Variants in GPC5 observed in about 807,000 individuals in gnomAD.
The protein encoded by GPC5 is glypican-5.
In GPC5, 47 loss-of-function variants were observed where a neutral mutation model predicts 53.9. The observed-to-expected ratio is 0.87, with a 90% confidence interval of 0.69 to 1.11. GPC5 has a LOEUF of 1.11. Ranked by LOEUF, GPC5 falls within the 50% of genes most tolerant of loss-of-function variation. The probability of loss-of-function intolerance (pLI) is 0.00; values close to 1 mark genes in which losing one functional copy is unlikely to be tolerated. For synonymous variants in GPC5, 286 were observed against 263.3 expected (o/e 1.09, Z -0.84); for missense variants, 748 against 713.1 (o/e 1.05, Z -0.56).
At chr13:92,596,803 GATAAA>G (rs971359945) in intron 7 of GPC5, among the ~76,000 whole-genome samples, 2 of 152,034 alleles carry the variant, frequency 1.3e-5, no homozygotes, top group Non-Finnish European at 2.9e-5. Flanking sequence ...TCATAATATT[GATAAA>G]ATAATTTAAT....
intron 6 of GPC5, among the ~76,000 whole-genome samples, chr13:92,135,356 T>A (rs377587457): frequency 6.6e-6 from 1 of 152,220 alleles, no homozygotes; most frequent in Non-Finnish European, 1.5e-5. Context: ...TGAGTCCTAC[T>A]TGAGGTTATG....
chr13:92,227,133 G>T (rs1306935283), intron 7 of GPC5, among the ~76,000 whole-genome samples: 2 of 152,162 alleles, frequency 1.3e-5, no homozygotes, highest in Admixed American at 1.3e-4. Context: ...TTGTGTCTGT[G>T]TGAAAACATT....
At chr13:91,911,066 A>C (rs1459852450) in intron 6 of GPC5, among the ~76,000 whole-genome samples, 1 of 152,172 alleles carries the variant, frequency 6.6e-6, no homozygotes, top group Non-Finnish European at 1.5e-5. Context: ...CAGAAGGAAA[A>C]GTAGGCGCAA....
chr13:91,889,000 A>C (rs1236796244), intron 5 of GPC5, among the ~76,000 whole-genome samples: 1 of 152,200 alleles, frequency 6.6e-6, no homozygotes, highest in East Asian at 1.9e-4. Context: ...GGAGTTATGA[A>C]TTGCTAGACT....
intron 2 of GPC5, among the ~76,000 whole-genome samples, chr13:91,561,443 T>G (rs2031256284): frequency 6.6e-6 from 1 of 152,170 alleles, no homozygotes. Flanking sequence ...CACACCTCAT[T>G]TAATTAACCT....
intron 7 of GPC5, among the ~76,000 whole-genome samples, chr13:92,546,590 G>T (rs1288194768): frequency 6.6e-6 from 1 of 152,142 alleles, no homozygotes; most frequent in African/African-American, 2.4e-5. Context: ...TGGGCATACT[G>T]TCCAAGGTAA....
chr13:92,736,520 T>C (rs1321214231), intron 7 of GPC5, among the ~76,000 whole-genome samples: 5 of 151,876 alleles, frequency 3.3e-5, no homozygotes, highest in Non-Finnish European at 7.4e-5. Context: ...TCCTCCTGCC[T>C]GACTGGCTCC....
intron 2 of GPC5, among the ~76,000 whole-genome samples, chr13:91,648,812 A>G (rs2139540136): frequency 6.6e-6 from 1 of 152,330 alleles, no homozygotes; most frequent in Admixed American, 6.5e-5. Context: ...CTGTGGAGAC[A>G]GAGCAAAAGG....
At chr13:92,187,072 A>G (rs567625161) in intron 7 of GPC5, among the ~76,000 whole-genome samples, 1 of 151,822 alleles carries the variant, frequency 6.6e-6, no homozygotes, top group African/African-American at 2.4e-5. Context: ...AGATTGCGCC[A>G]TTGCACTTCA....
chr13:91,835,756 G>A (rs567241252), intron 5 of GPC5, among the ~76,000 whole-genome samples: 2 of 152,082 alleles, frequency 1.3e-5, no homozygotes, highest in South Asian at 4.2e-4. Context: ...TGAGGGGAGG[G>A]ATAGAATTAG....
At chr13:91,409,660 T>C (rs1877580852) in intron 1 of GPC5, among the ~76,000 whole-genome samples, 1 of 151,744 alleles carries the variant, frequency 6.6e-6, no homozygotes, top group South Asian at 2.1e-4. Flanking sequence ...TTTTCTTTTC[T>C]TTTTTTTTGT....
intron 6 of GPC5, among the ~76,000 whole-genome samples, chr13:92,142,731 G>A (rs1251673559): frequency 6.6e-6 from 1 of 152,118 alleles, no homozygotes; most frequent in African/African-American, 2.4e-5. Context: ...TGGTGTTAAT[G>A]AGAGTCCATC....
intron 7 of GPC5, among the ~76,000 whole-genome samples, chr13:92,352,078 C>G (rs1355860164): frequency 6.6e-6 from 1 of 152,094 alleles, no homozygotes; most frequent in Non-Finnish European, 1.5e-5. Context: ...TTTGGTTATT[C>G]AGTGTGGCAT....
rs570691550 is a variant in GPC5, at chr13:92,719,395, G to A, written c.1562-146887G>A. ...TAAAGTAATATTTCCCATTATGGGC[G>A]TTTTATATTTTTCTCATTGTGATTT... is the stretch of plus-strand genomic sequence containing the variant. On this transcript the variant is annotated intron_variant, in intron 7 of 7. Transcript: ENST00000377067. 6.3e-4 allele frequency among the ~76,000 whole-genome samples: 96 copies of A among 152,094 alleles called. 1 individual carries two copies. The highest frequency in any genetic ancestry group is 3.7e-3 in the Admixed American group (57 of 15,254).
intron 2 of GPC5, among the ~76,000 whole-genome samples, chr13:91,612,323 T>A (rs1035529598): frequency 2.6e-5 from 4 of 152,300 alleles, no homozygotes; most frequent in East Asian, 3.9e-4. Context: ...AAACCTGCCA[T>A]CATCAGTGGT....
At chr13:91,849,437 A>C (rs2138887706) in intron 5 of GPC5, among the ~76,000 whole-genome samples, 1 of 152,316 alleles carries the variant, frequency 6.6e-6, no homozygotes, top group African/African-American at 2.4e-5. Context: ...ATGAACATTT[A>C]AAAATATATT....
At chr13:92,541,319 T>G (rs978248040) in intron 7 of GPC5, among the ~76,000 whole-genome samples, 1 of 151,812 alleles carries the variant, frequency 6.6e-6, no homozygotes, top group Non-Finnish European at 1.5e-5. Context: ...TTTCCAGTAT[T>G]TTAAAAATAT....
intron 6 of GPC5, among the ~76,000 whole-genome samples, chr13:92,064,356 T>A (rs1186057731): frequency 6.6e-6 from 1 of 152,168 alleles, no homozygotes; most frequent in Non-Finnish European, 1.5e-5. Flanking sequence ...CCCTAGAGTT[T>A]CTGATGTAAT....
At chr13:91,591,009 A>G (rs1248460794) in intron 2 of GPC5, among the ~76,000 whole-genome samples, 1 of 152,130 alleles carries the variant, frequency 6.6e-6, no homozygotes, top group African/African-American at 2.4e-5. Context: ...GGGAATAATA[A>G]TATTACCTCA....
Sources: gnomAD v4.1 joint callset for allele counts (sites outside exome capture counted in the v4.1 genomes callset) on GRCh38, gnomAD v4.1.1 for gene constraint, MANE v1.5 for transcripts, NCBI Gene and HGNC (gene_info 2026-07-23, HGNC 2026-07-21) for gene names.